Variants in FGD6 observed in about 807,000 individuals in gnomAD.
The protein encoded by FGD6 is FYVE, RhoGEF and PH domain containing 6.
Under a neutral mutation model 149.4 loss-of-function variants are expected in FGD6, and 90 were observed. The observed-to-expected ratio is 0.60, with a 90% CI of 0.51 to 0.72. The LOEUF (loss-of-function observed/expected upper bound fraction) is 0.72. Ranked by LOEUF, FGD6 falls within the 30% of genes least tolerant of loss-of-function variation. The pLI is 0.00. For synonymous variants in FGD6, 527 were observed against 584.0 expected, an observed-to-expected ratio of 0.90 and a Z score of 1.41; for missense variants, 1,437 against 1,684.8, an observed-to-expected ratio of 0.85 and a Z score of 2.57.
chr12:95,157,888 G>A lies in FGD6; in HGVS notation c.2587-4895C>T, dbSNP rs184186247. 3.9e-5 allele frequency among the ~76,000 whole-genome samples: 6 copies of A among 152,084 alleles called. No homozygotes were observed. In the East Asian group the frequency reaches 5.8e-4, roughly 15 times the overall value. On this transcript the variant is annotated intron_variant, in intron 3 of 20. Coordinates refer to ENST00000343958, the MANE Select transcript of FGD6 (RefSeq NM_018351.4). ...TTTTGAGACAGAGTCTCGTTCTGTC[G>A]CCAGGCTGGAGTGCAGTGGTGCAAT... is the stretch of plus-strand genomic sequence containing the variant.
chr12:95,093,847 CA>C (rs1878150132), intron 15 of FGD6, among the ~76,000 whole-genome samples: 1 of 143,856 alleles, frequency 7.0e-6, no homozygotes, highest in Non-Finnish European at 1.5e-5. Context: ...TACTCCATCT[CA>C]ACAAAAAAAA....
chr12:95,188,395 G>T lies in FGD6; in HGVS notation c.2442-15651C>A, dbSNP rs145968184. Among the ~76,000 whole-genome samples the T allele has an allele frequency of 5.3e-3, 800 of 152,198 alleles. 1 individual carries two copies. Among genetic ancestry groups the T allele is most frequent in the Middle Eastern group, 0.014 (4 of 294 alleles). On this transcript the variant is annotated intron_variant, in intron 2 of 20. Transcript: ENST00000343958. ...CAAAGCACCATCCGTGTGTGTGTGT[G>T]TGTAGAGGACATGTTACCACAGACA...
intron 8 of FGD6, 115 bp from the exon 9 acceptor site, chr12:95,113,816 C>A (rs1376921167): frequency 7.2e-6 from 4 of 556,296 alleles, no homozygotes; most frequent in Non-Finnish European, 1.2e-5. Context: ...GCTAGTCCAA[C>A]TTGTGCTAAC....
At chr12:95,160,250 T>C (rs139275782) in intron 3 of FGD6, among the ~76,000 whole-genome samples, 3 of 151,864 alleles carry the variant, frequency 2.0e-5, no homozygotes, top group East Asian at 3.9e-4. Context: ...GAAGAAGATA[T>C]AAGAATGGGC....
In FGD6 at chr12:95,205,010, A is replaced by G. The variant is rs149439033; in HGVS notation, c.2441+3833T>C. Among the ~76,000 whole-genome samples the G allele has an allele frequency of 1.5e-3, 225 of 152,328 alleles. 1 individual carries two copies. The highest frequency in any genetic ancestry group is 5.3e-3 in the African/African-American group (220 of 41,570). ...AGGCTAGGCATGGTGGCTGACGCCT[A>G]TAATTCCAGCACTTTGGGAGGCTAA... On this transcript the variant is annotated intron_variant, in intron 2 of 20. Coordinates refer to ENST00000343958, the MANE Select transcript of FGD6 (RefSeq NM_018351.4).
chr12:95,089,795 A>G (rs1373562674), intron 17 of FGD6, 99 bp from the exon 18 acceptor site: 8 of 1,462,926 alleles, frequency 5.5e-6, no homozygotes, highest in Admixed American at 3.9e-5. Flanking sequence ...TATCCATGGA[A>G]GGACACTAAG....
chr12:95,181,669 T>C (rs571245613), intron 2 of FGD6, among the ~76,000 whole-genome samples: 1 of 150,368 alleles, frequency 6.7e-6, no homozygotes, highest in South Asian at 2.1e-4. Context: ...TATGGCAAGT[T>C]CCAGTTGGGC....
rs546651476 is a variant in FGD6 at position 95,173,385 on chromosome 12, G to A, written c.2442-641C>T. 3.9e-5 allele frequency among the ~76,000 whole-genome samples: 6 copies of A among 152,278 alleles called. No individual in the cohort carries two copies. The South Asian group carries it at 1.2e-3, about 32-fold the overall frequency. Reference sequence around the variant, plus strand: ...ATTTGCCCAGCAATTACAACTACCTGGGGCACAGGGCCTAGCAAATAATAA... The same window carrying A: ...ATTTGCCCAGCAATTACAACTACCTAGGGCACAGGGCCTAGCAAATAATAA... On this transcript the variant is annotated intron_variant, in intron 2 of 20. Coordinates refer to ENST00000343958, the MANE Select transcript of FGD6 (RefSeq NM_018351.4).
intron 3 of FGD6, among the ~76,000 whole-genome samples, chr12:95,167,886 CTGGGCCTGAGT>C (rs1880868720): frequency 6.6e-6 from 1 of 151,870 alleles, no homozygotes; most frequent in Non-Finnish European, 1.5e-5. Flanking sequence ...AACCACCGCA[CTGGGCCTGAGT>C]TGTTACATTT....
intron 14 of FGD6, among the ~76,000 whole-genome samples, chr12:95,103,759 A>G (rs1878522450): frequency 6.6e-6 from 1 of 151,966 alleles, no homozygotes; most frequent in Non-Finnish European, 1.5e-5. Context: ...CTGGTCTCAA[A>G]CTCCTGACCT....
chr12:95,131,732 C>T (rs1035275717), intron 8 of FGD6, among the ~76,000 whole-genome samples: 19 of 152,244 alleles, frequency 1.2e-4, no homozygotes, highest in African/African-American at 4.1e-4. Flanking sequence ...CACTTTTCCC[C>T]CTTCCCAAAT....
chr12:95,151,144 A>G (rs1880298360), intron 5 of FGD6, among the ~76,000 whole-genome samples: 1 of 152,184 alleles, frequency 6.6e-6, no homozygotes, highest in Admixed American at 6.6e-5. Context: ...TATTACCAAT[A>G]TAGCCAAAAA....
chr12:95,164,464 C>T (rs924560155), intron 3 of FGD6, among the ~76,000 whole-genome samples: 1 of 151,956 alleles, frequency 6.6e-6, no homozygotes, highest in Non-Finnish European at 1.5e-5. Flanking sequence ...GAGTCTTGCT[C>T]TATCACCCAG....
At chr12:95,167,684 C>A (rs570757602) in intron 3 of FGD6, among the ~76,000 whole-genome samples, 1 of 151,058 alleles carries the variant, frequency 6.6e-6, no homozygotes, top group Non-Finnish European at 1.5e-5. Context: ...AAGCAATTCT[C>A]CTGCCTCAGC....
chr12:95,208,737 A>T, intron 2 of FGD6, 106 bp downstream of exon 2: 8 of 1,149,042 alleles, frequency 7.0e-6, no homozygotes, highest in Non-Finnish European at 9.7e-6. Flanking sequence ...TTTCTAAACT[A>T]TTCCTTCAAC....
At chr12:95,129,591 T>A (rs1879458381) in intron 8 of FGD6, among the ~76,000 whole-genome samples, 1 of 152,148 alleles carries the variant, frequency 6.6e-6, no homozygotes. Context: ...AGAAAACAGA[T>A]AAGTCTGTTT....
At chr12:95,091,832 T>G (rs1054441876) in intron 16 of FGD6, 23 bp from the exon 17 acceptor site, 2 of 1,492,794 alleles carry the variant, frequency 1.3e-6, no homozygotes, top group African/African-American at 2.8e-5. Context: ...TGGAATTATG[T>G]CATTAATTTC....
rs34064127 is a variant in FGD6, at chr12:95,123,565, ATT to A, written c.3083-9866_3083-9865del. 9.3e-3 allele frequency among the ~76,000 whole-genome samples: 1,350 copies of A among 144,844 alleles called. 20 individuals are homozygous for A. Among genetic ancestry groups the A allele is most frequent in the African/African-American group, 0.032 (1,260 of 39,564 alleles). On this transcript the variant is annotated intron_variant, in intron 8 of 20. Transcript: ENST00000343958. ...AGGCAAACTGCAAAAGTCAATATAC[ATT>A]TTTTTTTTTTTTGAGATGGGGTCTC...
rs1363928317 is a variant in FGD6, at chr12:95,077,415, T to C, written c.*4105A>G. The C allele has an allele frequency of 6.6e-6, 1 of 152,226 alleles. No homozygotes were observed. Among genetic ancestry groups the C allele is most frequent in the East Asian group, 1.9e-4 (1 of 5,202 alleles). The allele number at this position is 152,226 out of a possible 1,614,324, so 9.4% of individuals were successfully genotyped here. A position where few individuals can be genotyped will look rare whatever the true frequency, so the allele number is the denominator to read the frequency against. On this transcript the variant is annotated 3_prime_UTR_variant, in exon 21 of 21. Transcript: ENST00000343958. The stretch of plus-strand genomic sequence containing the variant: ...AAGGGTCAGCTATCACAGAGAAGTC[T>C]TGGATAAACAGAGATGCGGATGGGT...
Sources: gnomAD v4.1 joint callset for allele counts (sites outside exome capture counted in the v4.1 genomes callset) on GRCh38, gnomAD v4.1.1 for gene constraint, MANE v1.5 for transcripts, NCBI Gene and HGNC (gene_info 2026-07-23, HGNC 2026-07-21) for gene names.